The following ACTR3C variants were observed in gnomAD, a reference collection of about 807,000 sequenced individuals.
ACTR3C encodes actin related protein 3C.
A neutral mutation model predicts 26.3 loss-of-function variants in ACTR3C; 18 were observed. The ratio of observed to expected loss-of-function variants is 0.68; its 90% CI spans 0.47 to 1.01. The LOEUF is 1.01. Ranked by LOEUF, ACTR3C falls within the 50% of genes least tolerant of loss-of-function variation. ACTR3C has a pLI of 0.00. For missense variants in ACTR3C, 184 were observed against 250.7 expected, an observed-to-expected ratio of 0.73 and a Z score of 1.80; for synonymous variants, 55 against 94.5, an observed-to-expected ratio of 0.58 and a Z score of 2.42.
At chr7:149,881,932 G>A in the ACTR3C span, 1 of 153,286 alleles carries the variant, frequency 6.5e-6, no homozygotes, top group Non-Finnish European at 1.4e-5. Flanking sequence ...AGTAAAGTCA[G>A]ACTGCAGTGG....
At chr7:150,075,548 T>C in the ACTR3C span, among the ~76,000 whole-genome samples, 1,053 of 152,280 alleles carry the variant, frequency 6.9e-3, 16 homozygotes, top group African/African-American at 0.024. Context: ...ATGATGCCAA[T>C]AGTTACTCCT....
chr7:150,154,153 G>C, the ACTR3C span, among the ~76,000 whole-genome samples: 611 of 150,752 alleles, frequency 4.1e-3, 3 homozygotes, highest in African/African-American at 0.014. Flanking sequence ...CAGCACACCA[G>C]CATGGCACAT....
chr7:150,117,691 T>C, the ACTR3C span, among the ~76,000 whole-genome samples: 1 of 152,236 alleles, frequency 6.6e-6, no homozygotes, highest in African/African-American at 2.4e-5. Context: ...CTGCCAGCTC[T>C]GAAGAGAGCA....
At chr7:150,120,300 T>C in the ACTR3C span, among the ~76,000 whole-genome samples, 2 of 151,858 alleles carry the variant, frequency 1.3e-5, no homozygotes, top group Admixed American at 1.3e-4. Flanking sequence ...CAGGAGCTGG[T>C]TTTTTCAAAA....
chr7:150,153,934 G>GA, the ACTR3C span, among the ~76,000 whole-genome samples: 3 of 149,382 alleles, frequency 2.0e-5, no homozygotes, highest in Admixed American at 2.0e-4. Flanking sequence ...GGACATGGAT[G>GA]AAATTGGAAA....
At chr7:150,099,350 A>G in the ACTR3C span, among the ~76,000 whole-genome samples, 1 of 151,262 alleles carries the variant, frequency 6.6e-6, no homozygotes, top group Non-Finnish European at 1.5e-5. Context: ...TACATAATTG[A>G]TGGGCTATTG....
the ACTR3C span, among the ~76,000 whole-genome samples, chr7:150,211,308 C>T: frequency 2.7e-5 from 4 of 150,524 alleles, no homozygotes; most frequent in East Asian, 1.9e-4. Flanking sequence ...TTTGAGACAA[C>T]ATCTCACTCT....
the ACTR3C span, among the ~76,000 whole-genome samples, chr7:150,238,107 C>T: frequency 7.4e-5 from 11 of 149,406 alleles, no homozygotes; most frequent in African/African-American, 2.3e-4. Flanking sequence ...ATGAGACATA[C>T]GCTAACAACC....
At chr7:150,080,445 T>A in the ACTR3C span, among the ~76,000 whole-genome samples, 1 of 151,310 alleles carries the variant, frequency 6.6e-6, no homozygotes, top group African/African-American at 2.4e-5. Flanking sequence ...GGACACAGAA[T>A]TCAGAATGTA....
chr7:149,990,633 T>G, the ACTR3C span, among the ~76,000 whole-genome samples: 1 of 138,390 alleles, frequency 7.2e-6, no homozygotes, highest in African/African-American at 2.7e-5. Context: ...TGAACATAAG[T>G]TTTGCAACAG....
chr7:150,013,663 C>T, the ACTR3C span, among the ~76,000 whole-genome samples: 1,892 of 113,006 alleles, frequency 0.017, no homozygotes, highest in African/African-American at 0.038. Context: ...TCTCTTCTTT[C>T]TCCTTTATTT....
the ACTR3C span, among the ~76,000 whole-genome samples, chr7:150,037,156 C>CA: frequency 3.5e-4 from 18 of 51,548 alleles, no homozygotes; most frequent in South Asian, 5.3e-4. Context: ...GGGGGTGCCT[C>CA]CCCCCCTGTG....
the ACTR3C span, among the ~76,000 whole-genome samples, chr7:149,970,094 C>T: frequency 1.8e-3 from 271 of 152,212 alleles, no homozygotes; most frequent in African/African-American, 2.8e-3. Context: ...TGAGTATATT[C>T]AGAAGGCAAA....
chr7:150,035,849 C>T, the ACTR3C span, among the ~76,000 whole-genome samples: 10 of 125,610 alleles, frequency 8.0e-5, 1 homozygote, highest in Non-Finnish European at 1.8e-4. Flanking sequence ...CCTCTCCCCC[C>T]CTGCGATGGG....
the ACTR3C span, chr7:149,909,779 A>G: frequency 1.4e-4 from 49 of 362,040 alleles, no homozygotes; most frequent in Non-Finnish European, 2.1e-4. Flanking sequence ...GTCTTTTATT[A>G]TAAGCTCTCC....
chr7:150,230,053 G>A, the ACTR3C span, among the ~76,000 whole-genome samples: 1,053 of 149,200 alleles, frequency 7.1e-3, 13 homozygotes, highest in African/African-American at 0.025. Context: ...GGCAAAACCC[G>A]GTCTCTACTA....
At chr7:150,049,739 C>T in the ACTR3C span, among the ~76,000 whole-genome samples, 2 of 152,206 alleles carry the variant, frequency 1.3e-5, no homozygotes, top group Admixed American at 6.5e-5. Context: ...CCACCTGCCT[C>T]CCTTCCCCAA....
At chr7:150,213,349 G>A in the ACTR3C span, among the ~76,000 whole-genome samples, 9 of 152,136 alleles carry the variant, frequency 5.9e-5, no homozygotes, top group African/African-American at 1.7e-4. Flanking sequence ...GCCATGTCCC[G>A]TAGCCTGTGA....
At chr7:150,279,004 A>C (rs1835108794) in intron 6 of ACTR3C, among the ~76,000 whole-genome samples, 1 of 152,220 alleles carries the variant, frequency 6.6e-6, no homozygotes, top group South Asian at 2.1e-4. Context: ...ATACTCTTAA[A>C]CATTAAAAAT....
Sources: gnomAD v4.1 joint callset for allele counts (sites outside exome capture counted in the v4.1 genomes callset) on GRCh38, gnomAD v4.1.1 for gene constraint, MANE v1.5 for transcripts, NCBI Gene and HGNC (gene_info 2026-07-23, HGNC 2026-07-21) for gene names.